Variants in TBL1X observed in about 807,000 individuals in gnomAD.
TBL1X encodes transducin beta like 1 X-linked, also known as F-box-like/WD repeat-containing protein TBL1X.
TBL1X carries 10 observed loss-of-function variants against 50.7 expected under a neutral mutation model. The ratio of observed to expected loss-of-function variants is 0.20; its 90% CI spans 0.12 to 0.33. The LOEUF (loss-of-function observed/expected upper bound fraction) is 0.33, where lower values mean the gene tolerates loss of function less well. Ranked by LOEUF, TBL1X falls within the 10% of genes least tolerant of loss-of-function variation. The pLI is 1.00. For missense variants in TBL1X, 340 were observed against 504.4 expected (o/e 0.67, Z 3.12); for synonymous variants, 190 against 214.7 (o/e 0.88, Z 1.01).
chrX:9,670,691 A>G (rs915242284), intron 5 of TBL1X, among the ~76,000 whole-genome samples: 23 of 112,635 alleles, frequency 2.0e-4, no homozygotes, highest in Admixed American at 9.4e-5. Flanking sequence ...AGGGCCATGG[A>G]ATGCCTTCTT....
At chrX:9,570,092 C>T (rs1235407391) in intron 2 of TBL1X, among the ~76,000 whole-genome samples, 1 of 112,157 alleles carries the variant, frequency 8.9e-6, no homozygotes, top group Admixed American at 9.4e-5. Context: ...GTGAATTCCA[C>T]GTGTGTAAGC....
intron 13 of TBL1X, among the ~76,000 whole-genome samples, chrX:9,708,534 C>T (rs900687176): frequency 1.8e-5 from 2 of 111,247 alleles, no homozygotes; most frequent in African/African-American, 6.6e-5. Context: ...CACTCACCTG[C>T]AGGAGAGAAA....
intron 2 of TBL1X, among the ~76,000 whole-genome samples, chrX:9,523,312 CAG>C (rs1314245301): frequency 8.9e-6 from 1 of 111,914 alleles, no homozygotes; most frequent in Non-Finnish European, 1.9e-5. Context: ...TGTGAACCCC[CAG>C]AGTCTGCCCA....
chrX:9,631,454 G>A (rs1248407235), intron 2 of TBL1X, among the ~76,000 whole-genome samples: 1 of 112,107 alleles, frequency 8.9e-6, no homozygotes, highest in African/African-American at 3.2e-5. Flanking sequence ...ATAAATTGCG[G>A]CTTTTTTGTG....
chrX:9,670,345 C>T (rs996430775), intron 5 of TBL1X, among the ~76,000 whole-genome samples: 9 of 111,076 alleles, frequency 8.1e-5, no homozygotes, highest in Admixed American at 5.8e-4. Context: ...ATTTCATCTC[C>T]AACCCAACCA....
chrX:9,659,072 C>CT (rs776769201), intron 5 of TBL1X, among the ~76,000 whole-genome samples: 2 of 111,526 alleles, frequency 1.8e-5, no homozygotes, highest in Middle Eastern at 4.7e-3. Flanking sequence ...AGATCCTCCC[C>CT]CCCGGCCTCA....
At chrX:9,697,014 A>C (rs1462387105) in intron 11 of TBL1X, among the ~76,000 whole-genome samples, 1 of 112,295 alleles carries the variant, frequency 8.9e-6, no homozygotes, top group Non-Finnish European at 1.9e-5. Context: ...AGGTTCATCA[A>C]ATGTGGCCGT....
intron 3 of TBL1X, among the ~76,000 whole-genome samples, chrX:9,648,316 A>C (rs760303937): frequency 8.9e-6 from 1 of 111,823 alleles, no homozygotes; most frequent in African/African-American, 3.2e-5. Flanking sequence ...AACATTCCAA[A>C]CTCCATGTTA....
intron 2 of TBL1X, among the ~76,000 whole-genome samples, chrX:9,538,968 A>AG: frequency 8.9e-6 from 1 of 112,547 alleles, no homozygotes; most frequent in East Asian, 2.8e-4. Flanking sequence ...TGCCAGCAAA[A>AG]GCTGCTGGGA....
chrX:9,593,167 C>T (rs747769256), intron 2 of TBL1X, among the ~76,000 whole-genome samples: 2 of 110,329 alleles, frequency 1.8e-5, no homozygotes, highest in East Asian at 2.8e-4. Context: ...TTTGGGAGGC[C>T]GAGGCAGGCG....
intron 1 of TBL1X, among the ~76,000 whole-genome samples, chrX:9,486,473 A>G (rs1322630584): frequency 9.1e-6 from 1 of 110,460 alleles, no homozygotes. Context: ...GACTCAAGCA[A>G]TCTGCCTGCC....
intron 1 of TBL1X, among the ~76,000 whole-genome samples, chrX:9,495,600 T>C (rs1344186606): frequency 2.7e-5 from 3 of 111,298 alleles, no homozygotes; most frequent in Non-Finnish European, 1.9e-5. Context: ...GTGCATAACT[T>C]TGTTGTATGT....
In TBL1X at chrX:9,718,623, G is replaced by A. The variant is rs2083292535; in HGVS notation, c.*2377G>A. 8.9e-6 allele frequency: 1 copy of A among 111,876 alleles called. No homozygotes were observed. Among genetic ancestry groups the A allele is most frequent in the African/African-American group, 3.2e-5 (1 of 30,786 alleles). 9.2% of individuals were successfully genotyped at this position (111,876 alleles called of 1,213,427 possible). ...TCTCTGTAGAACATCTGCTGTCAAA[G>A]GCCAGCCTGTCGTTAGGGCATGGCT... is the stretch of plus-strand genomic sequence containing the variant. On this transcript the variant is annotated 3_prime_UTR_variant, in exon 18 of 18. Transcript: ENST00000645353.
chrX:9,662,155 G>T (rs2146607446), intron 5 of TBL1X, among the ~76,000 whole-genome samples: 1 of 111,452 alleles, frequency 9.0e-6, no homozygotes, highest in African/African-American at 3.3e-5. Context: ...TGTGTGCTGG[G>T]CTGATCTCCT....
At chrX:9,549,977 G>A (rs1382342247) in intron 2 of TBL1X, among the ~76,000 whole-genome samples, 1 of 111,856 alleles carries the variant, frequency 8.9e-6, no homozygotes, top group African/African-American at 3.3e-5. Flanking sequence ...GTGACACCCA[G>A]CCTTCAGCCC....
intron 2 of TBL1X, among the ~76,000 whole-genome samples, chrX:9,549,288 C>T (rs1268230120): frequency 1.8e-5 from 2 of 112,338 alleles, no homozygotes; most frequent in Admixed American, 9.4e-5. Context: ...AACTGCAGCC[C>T]GTGGGGCAGA....
chrX:9,638,102 G>A (rs753967440), intron 2 of TBL1X, among the ~76,000 whole-genome samples: 2 of 111,520 alleles, frequency 1.8e-5, no homozygotes, highest in South Asian at 7.6e-4. Flanking sequence ...GGTACATGCT[G>A]TGTTGTGTCA....
At chrX:9,479,993 C>T (rs996128868) in intron 1 of TBL1X, among the ~76,000 whole-genome samples, 21 of 72,724 alleles carry the variant, frequency 2.9e-4, no homozygotes, top group Non-Finnish European at 1.9e-4. Context: ...TCTTGTTGCC[C>T]AGGCTGGAGT....
intron 5 of TBL1X, among the ~76,000 whole-genome samples, chrX:9,655,692 A>G (rs759064189): frequency 1.6e-4 from 18 of 111,672 alleles, no homozygotes; most frequent in Non-Finnish European, 3.0e-4. Flanking sequence ...AGGAAACCCC[A>G]GTTCCTAGGC....
Sources: gnomAD v4.1 joint callset for allele counts (sites outside exome capture counted in the v4.1 genomes callset) on GRCh38, gnomAD v4.1.1 for gene constraint, MANE v1.5 for transcripts, NCBI Gene and HGNC (gene_info 2026-07-23, HGNC 2026-07-21) for gene names.